The following RSRC1 variants were observed in gnomAD, a reference collection of about 807,000 sequenced individuals.
RSRC1 encodes the protein arginine and serine rich coiled-coil 1.
In RSRC1, 39 loss-of-function variants were observed where a neutral mutation model predicts 49.1. The observed-to-expected ratio is 0.79, with a 90% CI of 0.61 to 1.04. The LOEUF (loss-of-function observed/expected upper bound fraction) is 1.04. RSRC1 is among the 50% of genes least tolerant of loss of function. The pLI, the probability that RSRC1 is intolerant of heterozygous loss-of-function variation, is 0.00. For synonymous variants in RSRC1, 143 were observed against 130.8 expected (o/e 1.09, Z -0.63); for missense variants, 388 against 402.4 (o/e 0.96, Z 0.31).
chr3:158,208,947 T>G (rs1283885272), intron 4 of RSRC1, among the ~76,000 whole-genome samples: 4 of 145,848 alleles, frequency 2.7e-5, no homozygotes, highest in Admixed American at 2.7e-4. Flanking sequence ...GCCTAACATA[T>G]AGTTGACTGG....
chr3:158,544,861 C>T lies in RSRC1; in HGVS notation c.*586C>T, dbSNP rs888663922. On this transcript the variant is annotated 3_prime_UTR_variant, in exon 10 of 10. Transcript: ENST00000611884. Reference sequence around the variant, plus strand: ...GCTTCTACTAGATGCTCCTTTACAACATGTTAGCAGATCTCAGCTCATTGT... The same window carrying T: ...GCTTCTACTAGATGCTCCTTTACAATATGTTAGCAGATCTCAGCTCATTGT... 3 of 152,202 alleles carry T rather than the reference C, an allele frequency of 2.0e-5. No individual in the cohort carries two copies. The highest frequency in any genetic ancestry group is 7.2e-5 in the African/African-American group (3 of 41,446). 9.4% of individuals were successfully genotyped at this position (152,202 alleles called of 1,614,324 possible). A position where few individuals can be genotyped will look rare whatever the true frequency, so the allele number is the denominator to read the frequency against.
At chr3:158,434,790 A>G (rs969321839) in intron 6 of RSRC1, among the ~76,000 whole-genome samples, 1 of 151,986 alleles carries the variant, frequency 6.6e-6, no homozygotes, top group Non-Finnish European at 1.5e-5. Flanking sequence ...AAATATTATT[A>G]GTAAAAATAT....
chr3:158,390,430 A>G (rs902583252), intron 6 of RSRC1, among the ~76,000 whole-genome samples: 1 of 152,200 alleles, frequency 6.6e-6, no homozygotes, highest in Admixed American at 6.5e-5. Flanking sequence ...GCAGTTATAT[A>G]TAACATTTTA....
At chr3:158,157,433 G>C (rs1033192270) in intron 3 of RSRC1, among the ~76,000 whole-genome samples, 1 of 152,146 alleles carries the variant, frequency 6.6e-6, no homozygotes, top group African/African-American at 2.4e-5. Flanking sequence ...TATCTGGCTC[G>C]AGCCCTCTTC....
chr3:158,333,159 A>G (rs544115566), intron 5 of RSRC1, among the ~76,000 whole-genome samples: 17 of 152,102 alleles, frequency 1.1e-4, no homozygotes, highest in Non-Finnish European at 2.1e-4. Flanking sequence ...TAGTAGAGAC[A>G]GGGTTTCACC....
chr3:158,498,038 A>G (rs1407300740), intron 7 of RSRC1, among the ~76,000 whole-genome samples: 1 of 152,144 alleles, frequency 6.6e-6, no homozygotes, highest in African/African-American at 2.4e-5. Context: ...TGAGTGTGCA[A>G]GTATCTTTTT....
At chr3:158,141,109 G>A (rs1716723579) in intron 3 of RSRC1, among the ~76,000 whole-genome samples, 1 of 152,196 alleles carries the variant, frequency 6.6e-6, no homozygotes, top group Non-Finnish European at 1.5e-5. Flanking sequence ...TTGAGAAAAT[G>A]TCTAAGCAAA....
chr3:158,422,344 T>G (rs1341073971), intron 6 of RSRC1, among the ~76,000 whole-genome samples: 1 of 147,548 alleles, frequency 6.8e-6, no homozygotes, highest in Non-Finnish European at 1.5e-5. Context: ...TTTGTTCTTG[T>G]GATAGTTTAC....
intron 5 of RSRC1, among the ~76,000 whole-genome samples, chr3:158,305,078 G>A (rs1445107863): frequency 6.6e-6 from 1 of 152,020 alleles, no homozygotes; most frequent in Non-Finnish European, 1.5e-5. Flanking sequence ...CAAGTTTATT[G>A]AAAATTGCTT....
At chr3:158,273,098 C>T (rs1312014475) in intron 4 of RSRC1, among the ~76,000 whole-genome samples, 1 of 151,902 alleles carries the variant, frequency 6.6e-6, no homozygotes, top group Non-Finnish European at 1.5e-5. Context: ...GTTTTAATCC[C>T]CTCTGTCATT....
At chr3:158,543,929 A>T (rs1713184454) in intron 9 of RSRC1, among the ~76,000 whole-genome samples, 2 of 152,202 alleles carry the variant, frequency 1.3e-5, no homozygotes, top group South Asian at 4.1e-4. Context: ...AAGTTATAGG[A>T]AATAAACTTC....
At chr3:158,533,207 C>T (rs1176932309) in intron 7 of RSRC1, among the ~76,000 whole-genome samples, 1 of 151,594 alleles carries the variant, frequency 6.6e-6, no homozygotes, top group Non-Finnish European at 1.5e-5. Flanking sequence ...TGTAAATCTC[C>T]TGTGAATCTT....
chr3:158,451,746 A>G (rs1737053568), intron 6 of RSRC1, among the ~76,000 whole-genome samples: 1 of 152,092 alleles, frequency 6.6e-6, no homozygotes, highest in African/African-American at 2.4e-5. Flanking sequence ...GAATTATTGA[A>G]GCATGGTAAT....
chr3:158,207,931 C>T (rs773112025), intron 4 of RSRC1, among the ~76,000 whole-genome samples: 52 of 151,978 alleles, frequency 3.4e-4, no homozygotes, highest in South Asian at 4.1e-4. Flanking sequence ...TCTGGAAATA[C>T]CTAGAACATT....
rs560980433 is a variant in RSRC1 at position 158,356,846 on chromosome 3, T to G, written c.583+1938T>G. Among the ~76,000 whole-genome samples the G allele has an allele frequency of 1.4e-4, 22 of 152,278 alleles. 4 individuals carry two copies. The South Asian group carries it at 4.6e-3, about 32-fold the overall frequency. On this transcript the variant is annotated intron_variant, in intron 6 of 9. Transcript: ENST00000611884. ...TATTTCATAGTTTTATTCAGTTTTT[T>G]AAAAATATTTAGTATGATTTTGAAG...
intron 3 of RSRC1, among the ~76,000 whole-genome samples, chr3:158,125,877 G>A (rs1332080663): frequency 1.3e-5 from 2 of 151,958 alleles, no homozygotes; most frequent in Non-Finnish European, 2.9e-5. Context: ...TTATATATTT[G>A]AGTGCTCTGG....
intron 7 of RSRC1, among the ~76,000 whole-genome samples, chr3:158,502,890 T>A (rs1461858297): frequency 6.6e-6 from 1 of 152,178 alleles, no homozygotes; most frequent in African/African-American, 2.4e-5. Flanking sequence ...TTCTTTTTGG[T>A]TTGGATCCAT....
At chr3:158,256,085 C>T (rs1177743718) in intron 4 of RSRC1, among the ~76,000 whole-genome samples, 1 of 152,156 alleles carries the variant, frequency 6.6e-6, no homozygotes, top group African/African-American at 2.4e-5. Context: ...CTGGCCAGAA[C>T]CTCCAACACT....
intron 3 of RSRC1, among the ~76,000 whole-genome samples, chr3:158,195,083 A>T (rs1487519418): frequency 6.6e-6 from 1 of 152,166 alleles, no homozygotes; most frequent in Non-Finnish European, 1.5e-5. Flanking sequence ...ACTGTCTTCC[A>T]CCATGGTTGA....
Sources: allele counts gnomAD v4.1 joint callset (sites outside exome capture counted in the v4.1 genomes callset), GRCh38; gene constraint gnomAD v4.1.1; transcripts MANE v1.5; gene names NCBI Gene and HGNC (gene_info 2026-07-23, HGNC 2026-07-21).